The following GANC variants were observed in gnomAD, a reference collection of about 807,000 sequenced individuals.
GANC encodes glucosidase alpha, neutral C.
GANC carries 117 observed loss-of-function variants against 124.2 expected under a neutral mutation model. The observed-to-expected ratio is 0.94, with a 90% CI of 0.81 to 1.10. The LOEUF is 1.10. Among genes scored for constraint, GANC ranks in the 50% least tolerant of loss-of-function variants. The pLI is 0.00. For missense variants in GANC, 1,140 were observed against 1,095.0 expected (o/e 1.04, Z -0.58); for synonymous variants, 377 against 376.8 (o/e 1.00, Z -0.01).
At chr15:42,294,343 G>A (rs57002846) in intron 5 of GANC, among the ~76,000 whole-genome samples, 29,101 of 150,982 alleles carry the variant, frequency 0.19, 3,658 homozygotes, top group African/African-American at 0.29. Context: ...GGAGGCCGAG[G>A]CAGGTGGATC....
intron 19 of GANC, chr15:42,344,645 G>A (rs895067185): frequency 6.6e-6 from 1 of 152,212 alleles, no homozygotes; most frequent in Non-Finnish European, 1.5e-5. Flanking sequence ...GAATGTTCAT[G>A]AACTATGGTC....
intron 2 of GANC, among the ~76,000 whole-genome samples, chr15:42,277,466 A>G (rs2051682994): frequency 1.3e-5 from 2 of 151,110 alleles, no homozygotes; most frequent in South Asian, 4.2e-4. Context: ...GGAGGCAGAG[A>G]TTGTGGTGAG....
chr15:42,324,099 AC>A (rs2052181415), intron 11 of GANC, among the ~76,000 whole-genome samples: 1 of 152,124 alleles, frequency 6.6e-6, no homozygotes, highest in African/African-American at 2.4e-5. Flanking sequence ...ACAAAAAAAA[AC>A]AGTTAAAAAG....
At chr15:42,301,977 C>T (rs1054290909) in intron 6 of GANC, among the ~76,000 whole-genome samples, 2 of 152,244 alleles carry the variant, frequency 1.3e-5, no homozygotes, top group African/African-American at 4.8e-5. Flanking sequence ...AGCAGCGGGT[C>T]TCCCAGCACA....
At chr15:42,345,138 T>C (rs575732040) in intron 19 of GANC, among the ~76,000 whole-genome samples, 1 of 152,244 alleles carries the variant, frequency 6.6e-6, no homozygotes, top group South Asian at 2.1e-4. Context: ...CAAATTACTT[T>C]AGAGACCTTA....
At chr15:42,322,344 C>G (rs548661789) in intron 11 of GANC, among the ~76,000 whole-genome samples, 32 of 152,300 alleles carry the variant, frequency 2.1e-4, no homozygotes, top group Admixed American at 7.8e-4. Context: ...TGACACCACA[C>G]TTGCACTAAG....
intron 6 of GANC, among the ~76,000 whole-genome samples, chr15:42,300,606 C>A (rs535390530): frequency 6.6e-6 from 1 of 152,090 alleles, no homozygotes; most frequent in Admixed American, 6.5e-5. Context: ...TGGTATATAC[C>A]CAAAGGAATA....
chr15:42,290,867 A>C (rs191604047), intron 4 of GANC, among the ~76,000 whole-genome samples: 117 of 152,254 alleles, frequency 7.7e-4, no homozygotes, highest in African/African-American at 2.6e-3. Context: ...GAGTTGGGTA[A>C]TTCTAAATAG....
At position 42,273,648 on chromosome 15, in the gene GANC, G is replaced by A; in HGVS notation, c.-834G>A. The A allele has an allele frequency of 1.8e-6, 1 of 548,516 alleles. No individual in the cohort carries two copies. 34.0% of individuals were successfully genotyped at this position (548,516 alleles called of 1,614,324 possible). Reference sequence around the variant, plus strand: ...TAGAGAGATCGCTACATGCCAGCCTGGCCTGAGTCTTTTCTGTCTCCCAGC... The same window carrying A: ...TAGAGAGATCGCTACATGCCAGCCTAGCCTGAGTCTTTTCTGTCTCCCAGC... On this transcript the variant is annotated 5_prime_UTR_variant, in exon 1 of 24. The change creates a premature stop within an existing upstream ORF in the 5' untranslated region. Coordinates refer to ENST00000318010, the MANE Select transcript of GANC (RefSeq NM_198141.3).
At chr15:42,298,410 G>C (rs1012254778) in intron 6 of GANC, among the ~76,000 whole-genome samples, 2 of 152,156 alleles carry the variant, frequency 1.3e-5, no homozygotes, top group Non-Finnish European at 2.9e-5. Flanking sequence ...CCCAGGCACT[G>C]TTCATGGAAT....
At chr15:42,283,592 C>A in intron 3 of GANC, 1 of 698,966 alleles carries the variant, frequency 1.4e-6, no homozygotes, top group Non-Finnish European at 2.6e-6. Context: ...TTTGGCAACA[C>A]GTTTATTTTC....
At chr15:42,293,260 C>A (rs2051859663) in intron 5 of GANC, among the ~76,000 whole-genome samples, 1 of 152,168 alleles carries the variant, frequency 6.6e-6, no homozygotes, top group Non-Finnish European at 1.5e-5. Flanking sequence ...CTTGCAATAA[C>A]ACAAATTACC....
chr15:42,314,082 A>G lies in GANC; in HGVS notation c.1057+3236A>G, dbSNP rs773381181. On this transcript the variant is annotated intron_variant, in intron 10 of 23. Transcript: ENST00000318010. ...GTGACAGCCTACCTCTTTTACAGAC[A>G]TTGGAGAAAAATAGCTCTCAGTCTG... 2.1e-5 allele frequency: 15 copies of G among 719,222 alleles called. No individual in the cohort carries two copies. The East Asian group carries it at 3.1e-4, about 15-fold the overall frequency. The allele number at this position is 719,222 out of a possible 1,614,324, so 44.6% of individuals were successfully genotyped here. A position where few individuals can be genotyped will look rare whatever the true frequency, so the allele number is the denominator to read the frequency against.
At chr15:42,319,711 T>C (rs1244749045) in intron 10 of GANC, among the ~76,000 whole-genome samples, 1 of 152,156 alleles carries the variant, frequency 6.6e-6, no homozygotes, top group Non-Finnish European at 1.5e-5. Flanking sequence ...ACATTTATTG[T>C]TTTATAAATT....
At chr15:42,277,080 A>G (rs1304716186) in intron 2 of GANC, among the ~76,000 whole-genome samples, 1 of 152,218 alleles carries the variant, frequency 6.6e-6, no homozygotes, top group Non-Finnish European at 1.5e-5. Flanking sequence ...ATGAAGAGCT[A>G]TACATAGGTC....
intron 2 of GANC, 54 bp from the exon 3 acceptor site, chr15:42,278,428 G>T: frequency 8.4e-7 from 1 of 1,194,674 alleles, no homozygotes; most frequent in South Asian, 1.3e-5. Flanking sequence ...ATAGTCTTTT[G>T]GATACTGACA....
chr15:42,308,440 C>T, intron 8 of GANC, 122 bp downstream of exon 8: 1 of 590,242 alleles, frequency 1.7e-6, no homozygotes, highest in South Asian at 2.4e-5. Flanking sequence ...CTTTATATTG[C>T]TTGTGGATCT....
chr15:42,326,175 A>G (rs2052196904), intron 11 of GANC, 123 bp from the exon 12 acceptor site: 1 of 686,310 alleles, frequency 1.5e-6, no homozygotes, highest in South Asian at 1.9e-5. Flanking sequence ...TTTGTCTGAA[A>G]TATTTCAATA....
At position 42,278,577 on chromosome 15, in the gene GANC, A is replaced by G. The variant is rs1289359894; in HGVS notation, c.188A>G (p.Asn63Ser). 2.7e-5 allele frequency: 43 copies of G among 1,608,934 alleles called. No homozygotes were observed. The highest frequency in any genetic ancestry group is 1.6e-4 in the Middle Eastern group (1 of 6,070). ...GACAGCACCAGGTTCCAAATCATCA[A>G]TGAAGCAAGTAAGGTGAGATGGAAG... ...DEDSTRFQIINEASKVPLLAE... is the reference protein window; with the variant it reads ...DEDSTRFQIISEASKVPLLAE... The change falls in exon 3 of 24, where the codon AAT becomes AGT. Residue 63 changes from asparagine to serine, a missense_variant. Asn to Ser is a conservative substitution (Grantham distance 46). Transcript: ENST00000318010.
Sources: gnomAD v4.1 joint callset for allele counts (sites outside exome capture counted in the v4.1 genomes callset) on GRCh38, gnomAD v4.1.1 for gene constraint, MANE v1.5 for transcripts, NCBI Gene and HGNC (gene_info 2026-07-23, HGNC 2026-07-21) for gene names.